The following SHQ1 variants were observed in gnomAD, a reference collection of about 807,000 sequenced individuals.
SHQ1 encodes protein SHQ1 homolog.
A neutral mutation model predicts 53.8 loss-of-function variants in SHQ1; 49 were observed. That is an observed-to-expected ratio of 0.91 (90% CI 0.72 to 1.16). The LOEUF is 1.16. Among genes scored for constraint, SHQ1 ranks in the 50% most tolerant of loss-of-function variants. SHQ1 has a pLI of 0.00. For missense variants in SHQ1, 738 were observed against 683.1 expected, an observed-to-expected ratio of 1.08 and a Z score of -0.90; for synonymous variants, 243 against 251.0, an observed-to-expected ratio of 0.97 and a Z score of 0.30.
rs1360132546 is a variant in SHQ1 at position 72,749,902 on chromosome 3, T to C, written c.*382A>G. 6 of 235,924 alleles carry C rather than the reference T, an allele frequency of 2.5e-5. No homozygotes were observed. The highest frequency in any genetic ancestry group is 5.0e-5 in the Non-Finnish European group (6 of 120,762). 14.6% of individuals were successfully genotyped at this position (235,924 alleles called of 1,614,324 possible). A position where few individuals can be genotyped will look rare whatever the true frequency, so the allele number is the denominator to read the frequency against. ...TTGGTTCCAGGACTCCTGAGGATAC[T>C]AAAATCCTCAGATGCTCAAGCCCCT... is the stretch of plus-strand genomic sequence containing the variant. On this transcript the variant is annotated 3_prime_UTR_variant, in exon 11 of 11. Transcript: ENST00000325599.
the SHQ1 span, among the ~76,000 whole-genome samples, chr3:72,729,194 C>T: frequency 3.9e-5 from 6 of 152,190 alleles, no homozygotes; most frequent in Non-Finnish European, 7.3e-5. Flanking sequence ...TAAATAGTCA[C>T]GGTTGCCCCT....
chr3:72,805,498 C>T (rs1249726732), intron 9 of SHQ1, among the ~76,000 whole-genome samples: 1 of 152,108 alleles, frequency 6.6e-6, no homozygotes, highest in African/African-American at 2.4e-5. Context: ...TAAAAATAAT[C>T]TCAAAACTGA....
At position 72,750,295 on chromosome 3, in the gene SHQ1, G is replaced by C; in HGVS notation, c.1723C>G (p.Pro575Ala). ...NIQERDGCQT[P>A]NN Reference sequence around the variant, plus strand: ...AAACCACCTAAGAGTCAATTATTTGGTGTCTGACAGCCGTCTCTCTCCTGA... The same window carrying C: ...AAACCACCTAAGAGTCAATTATTTGCTGTCTGACAGCCGTCTCTCTCCTGA... The change falls in exon 11 of 11, where the codon CCA becomes GCA. Residue 575 changes from proline to alanine, a missense_variant. By Grantham distance (27) the Pro-to-Ala change is conservative. Transcript: ENST00000325599. 6.2e-7 allele frequency: 1 copy of C among 1,605,840 alleles called. No individual in the cohort carries two copies. The highest frequency in any genetic ancestry group is 8.5e-7 in the Non-Finnish European group (1 of 1,176,426).
intron 10 of SHQ1, among the ~76,000 whole-genome samples, chr3:72,759,179 G>T (rs1705561126): frequency 6.6e-6 from 1 of 152,138 alleles, no homozygotes; most frequent in African/African-American, 2.4e-5. Context: ...AATTACATAT[G>T]CAATGACTCT....
At chr3:72,747,557 C>G (rs1705277720), downstream of SHQ1, among the ~76,000 whole-genome samples, 1 of 152,150 alleles carries the variant, frequency 6.6e-6, no homozygotes. Flanking sequence ...TTATGGAGTT[C>G]AAAGACAGGG....
the SHQ1 span, among the ~76,000 whole-genome samples, chr3:72,726,337 A>C: frequency 6.6e-6 from 1 of 151,524 alleles, no homozygotes; most frequent in East Asian, 1.9e-4. Flanking sequence ...TGTATCTCTC[A>C]TGCTTACGTT....
intron 10 of SHQ1, among the ~76,000 whole-genome samples, chr3:72,783,164 T>C (rs1706121355): frequency 6.6e-6 from 1 of 152,024 alleles, no homozygotes; most frequent in Non-Finnish European, 1.5e-5. Context: ...AACAGAGACT[T>C]CTAACACAGC....
At chr3:72,827,307 A>G (rs1477567117) in intron 5 of SHQ1, among the ~76,000 whole-genome samples, 1 of 152,092 alleles carries the variant, frequency 6.6e-6, no homozygotes, top group African/African-American at 2.4e-5. Flanking sequence ...CTGATGCTCA[A>G]GACAGAGATA....
chr3:72,740,246 C>T, the SHQ1 span, among the ~76,000 whole-genome samples: 1 of 152,218 alleles, frequency 6.6e-6, no homozygotes, highest in Non-Finnish European at 1.5e-5. Context: ...TTTACCCAAA[C>T]GCATCCAATC....
intron 4 of SHQ1, among the ~76,000 whole-genome samples, chr3:72,833,444 T>C (rs1049888732): frequency 2.1e-5 from 3 of 140,474 alleles, no homozygotes; most frequent in African/African-American, 8.0e-5. Context: ...CTATCAGAGA[T>C]GATAGATAGA....
At chr3:72,729,238 C>G in the SHQ1 span, among the ~76,000 whole-genome samples, 1 of 152,196 alleles carries the variant, frequency 6.6e-6, no homozygotes, top group Non-Finnish European at 1.5e-5. Flanking sequence ...GGTTTTGAGC[C>G]ACCCCAGGCT....
intron 10 of SHQ1, among the ~76,000 whole-genome samples, chr3:72,765,542 TATATATATATATATA>T (rs1705703603): frequency 3.1e-5 from 3 of 96,030 alleles, no homozygotes; most frequent in African/African-American, 1.3e-4. Context: ...TATATATATA[TATATATATATATATA>T]TTTTTTTTTT....
At chr3:72,823,333 A>G (rs1349083098) in intron 6 of SHQ1, among the ~76,000 whole-genome samples, 2 of 152,184 alleles carry the variant, frequency 1.3e-5, no homozygotes, top group African/African-American at 4.8e-5. Context: ...GTACCTTTAT[A>G]TAACAGGCAC....
chr3:72,840,422 G>A (rs1452714514), intron 4 of SHQ1, among the ~76,000 whole-genome samples: 1 of 151,886 alleles, frequency 6.6e-6, no homozygotes, highest in Admixed American at 6.6e-5. Context: ...CAGGCGTGGT[G>A]GTAGGCACCT....
rs894732720 is a variant in SHQ1, at chr3:72,832,590, A to G, written c.487-109T>C. 4.4e-6 allele frequency: 3 copies of G among 683,254 alleles called. No homozygotes were observed. In the Admixed American group the frequency reaches 9.0e-5, roughly 20 times the overall value. The allele number at this position is 683,254 out of a possible 1,614,324, so 42.3% of individuals were successfully genotyped here. On this transcript the variant is annotated intron_variant, in intron 4 of 10. Coordinates refer to ENST00000325599, the MANE Select transcript of SHQ1 (RefSeq NM_018130.3). ...CACAGGAAGAACCTAACTGATCAGT[A>G]AACCATGATGCCACCTGTGACATTT...
chr3:72,813,081 G>A (rs1474646299), intron 8 of SHQ1, among the ~76,000 whole-genome samples: 1 of 152,068 alleles, frequency 6.6e-6, no homozygotes, highest in Non-Finnish European at 1.5e-5. Context: ...TAAAACACAT[G>A]GCATTAACAA....
intron 9 of SHQ1, among the ~76,000 whole-genome samples, chr3:72,808,879 G>C (rs909274960): frequency 2.0e-5 from 3 of 152,144 alleles, no homozygotes; most frequent in Non-Finnish European, 4.4e-5. Context: ...AACTTGTAGA[G>C]AGAGAAACTA....
chr3:72,803,518 C>T (rs1470794694), intron 9 of SHQ1, among the ~76,000 whole-genome samples: 3 of 152,180 alleles, frequency 2.0e-5, no homozygotes, highest in Non-Finnish European at 4.4e-5. Flanking sequence ...AAATGATCTA[C>T]TTCAATGCTG....
chr3:72,785,142 G>A (rs2106769445), intron 10 of SHQ1, among the ~76,000 whole-genome samples: 1 of 152,358 alleles, frequency 6.6e-6, no homozygotes, highest in South Asian at 2.1e-4. Context: ...TGCAGTGAGA[G>A]AGAAGAGTGG....
Sources: allele counts gnomAD v4.1 joint callset (sites outside exome capture counted in the v4.1 genomes callset), GRCh38; gene constraint gnomAD v4.1.1; transcripts MANE v1.5; gene names NCBI Gene and HGNC (gene_info 2026-07-23, HGNC 2026-07-21).